The following DLL4 variants were observed in gnomAD, a reference collection of about 807,000 sequenced individuals.
DLL4 encodes delta-like protein 4.
DLL4 carries 7 observed loss-of-function variants against 73.6 expected under a neutral mutation model. The ratio of observed to expected loss-of-function variants is 0.10; its 90% CI spans 0.05 to 0.18. The LOEUF is 0.18. Among genes scored for constraint, DLL4 ranks in the 10% least tolerant of loss-of-function variants. The pLI is 1.00. For synonymous variants in DLL4, 345 were observed against 374.3 expected, an observed-to-expected ratio of 0.92 and a Z score of 0.90; for missense variants, 614 against 929.9, an observed-to-expected ratio of 0.66 and a Z score of 4.42.
chr15:40,931,598 C>G lies in DLL4; in HGVS notation c.490C>G (p.Leu164Val), dbSNP rs1264865292. The G allele has an allele frequency of 6.2e-7, 1 of 1,613,074 alleles. No homozygotes were observed. Among genetic ancestry groups the G allele is most frequent in the Non-Finnish European group, 8.5e-7 (1 of 1,179,508 alleles). ...GTTATTGGATGAGCAAACCAGCACC[C>G]TCACAAGGCTGCGCTACTCTTACCG... ...NWLLDEQTST[L>V]TRLRYSYRVI... is the part of the protein sequence containing the mutation. Residue 164 changes from leucine to valine, a missense_variant, in exon 4 of 11, where the codon CTC (leucine) becomes GTC (valine). Leu to Val is a conservative substitution (Grantham distance 32). Transcript: ENST00000249749.
At position 40,930,038 on chromosome 15, in the gene DLL4, C is replaced by T. The variant is rs746476747; in HGVS notation, c.258C>T (p.Thr86=). The change falls in exon 2 of 11, where the codon ACC becomes ACT. Residue 86 remains threonine, a synonymous_variant. Transcript: ENST00000249749. This position sits in a 1 kb window ranked among gnomAD's most constrained non-coding sequence, Gnocchi z 5.7. ...CCGTCTCCACGCCGGTATTGGGCAC[C>T]AACTCCTTCGCTGTCCGGGACGACA... ...FGTVSTPVLG[T]NSFAVRDDSS... 12 of 1,612,724 alleles carry T rather than the reference C, an allele frequency of 7.4e-6. No individual in the cohort carries two copies. The highest frequency in any genetic ancestry group is 1.3e-5 in the African/African-American group (1 of 74,910).
chr15:40,930,903 A>G lies in DLL4; in HGVS notation c.394+221A>G. The G allele has an allele frequency of 1.7e-6, 1 of 596,252 alleles. No individual in the cohort carries two copies. Among genetic ancestry groups the G allele is most frequent in the South Asian group, 2.0e-5 (1 of 49,472 alleles). 36.9% of individuals were successfully genotyped at this position (596,252 alleles called of 1,614,324 possible). A position where few individuals can be genotyped will look rare whatever the true frequency, so the allele number is the denominator to read the frequency against. On this transcript the variant is annotated intron_variant, in intron 3 of 10. Coordinates refer to ENST00000249749, the MANE Select transcript of DLL4 (RefSeq NM_019074.4). This position sits in a 1 kb window ranked among gnomAD's most constrained non-coding sequence, Gnocchi z 5.7. ...TTATTTTTGGCGTGGGAACGCGGGG[A>G]GTACGGCGGTGAGAAAGGCTGAAGC... is the stretch of plus-strand genomic sequence containing the variant.
chr15:40,937,460 G>A lies in DLL4; in HGVS notation c.1986G>A (p.Arg662=). The A allele has an allele frequency of 6.2e-7, 1 of 1,613,926 alleles. No individual in the cohort carries two copies. The highest frequency in any genetic ancestry group is 1.3e-5 in the African/African-American group (1 of 75,046). Reference sequence around the variant, plus strand: ...GGATATCAGCGATATGCTCCCCCAGGGACTCCATGTACCAGTCTGTGTGTT... The same window carrying A: ...GGATATCAGCGATATGCTCCCCCAGAGACTCCATGTACCAGTCTGTGTGTT... ...ECRISAICSP[R]DSMYQSVCLI... Residue 662 remains arginine, a synonymous_variant, in exon 10 of 11, where the codon AGG becomes AGA. Transcript: ENST00000249749.
intron 10 of DLL4, among the ~76,000 whole-genome samples, chr15:40,937,784 A>G (rs1004058586): frequency 6.6e-6 from 1 of 152,084 alleles, no homozygotes; most frequent in Admixed American, 6.5e-5. Flanking sequence ...CCAGCCTCTG[A>G]TGGGTGAGGG....
intron 8 of DLL4, 101 bp downstream of exon 8, chr15:40,935,218 T>G: frequency 2.6e-6 from 3 of 1,164,866 alleles, no homozygotes; most frequent in Non-Finnish European, 3.6e-6. Context: ...TGTCTGCCAC[T>G]CTGGCCCCCC....
Position 40,934,924 on chromosome 15 carries a change from G to C in DLL4, c.1047G>C (p.Leu349=). Residue 349 remains leucine (L), a synonymous_variant, in exon 8 of 11, where the codon CTG becomes CTC. Transcript: ENST00000249749. The part of the protein sequence containing the change: ...CKDQEDGYHC[L]CPPGYYGLHC... ...ACCAGGAGGATGGCTACCACTGCCT[G>C]TGTCCTCCGGGCTACTATGGCCTGC... 1.2e-6 allele frequency: 2 copies of C among 1,613,718 alleles called. No homozygotes were observed. The highest frequency in any genetic ancestry group is 8.5e-7 in the Non-Finnish European group (1 of 1,179,872).
At chr15:40,936,129 G>C (rs1355573562) in intron 8 of DLL4, 99 bp from the exon 9 acceptor site, 2 of 1,042,790 alleles carry the variant, frequency 1.9e-6, no homozygotes, top group Non-Finnish European at 2.7e-6. Context: ...TGCAGGTGGA[G>C]GTAGAAGGGC....
Position 40,929,787 on chromosome 15 carries a change from C to T in DLL4, c.66+53C>T. 2 of 1,607,148 alleles carry T rather than the reference C, an allele frequency of 1.2e-6. No individual in the cohort carries two copies. Among genetic ancestry groups the T allele is most frequent in the Non-Finnish European group, 8.5e-7 (1 of 1,179,166 alleles). On this transcript the variant is annotated intron_variant, in intron 1 of 10. Coordinates refer to ENST00000249749, the MANE Select transcript of DLL4 (RefSeq NM_019074.4). The surrounding 1 kb of genome is among the most constrained non-coding windows in gnomAD (Gnocchi z 7.1). ...CCTCTGCCGCGCTCTGGGCCTCAGCCCCGGGCACCAGCTGAGCTGACCGGT... is the reference window on the plus strand; with the variant it reads ...CCTCTGCCGCGCTCTGGGCCTCAGCTCCGGGCACCAGCTGAGCTGACCGGT...
In DLL4 at chr15:40,930,200, C is replaced by T; in HGVS notation, c.336+84C>T. The T allele has an allele frequency of 6.7e-7, 1 of 1,485,214 alleles. No individual in the cohort carries two copies. Among genetic ancestry groups the T allele is most frequent in the East Asian group, 2.5e-5 (1 of 40,734 alleles). 92.0% of individuals were successfully genotyped at this position (1,485,214 alleles called of 1,614,324 possible). On this transcript the variant is annotated intron_variant, in intron 2 of 10. Transcript: ENST00000249749. This position sits in a 1 kb window ranked among gnomAD's most constrained non-coding sequence, Gnocchi z 5.7. ...GACCAAAGCCCCCTCCCCAGATTTC[C>T]TTGTACACACACCCCCACCCCCAAA... is the stretch of plus-strand genomic sequence containing the variant.
chr15:40,930,921 G>C lies in DLL4; in HGVS notation c.394+239G>C, dbSNP rs573443125. On this transcript the variant is annotated intron_variant, in intron 3 of 10. Transcript: ENST00000249749. This position sits in a 1 kb window ranked among gnomAD's most constrained non-coding sequence, Gnocchi z 5.7. ...CGCGGGGAGTACGGCGGTGAGAAAGGCTGAAGCTGCCAGCGCCGCTGACGG... is the reference window on the plus strand; with the variant it reads ...CGCGGGGAGTACGGCGGTGAGAAAGCCTGAAGCTGCCAGCGCCGCTGACGG... 3.4e-6 allele frequency: 2 copies of C among 584,894 alleles called. No homozygotes were observed. Among genetic ancestry groups the C allele is most frequent in the East Asian group, 5.7e-5 (2 of 34,938 alleles). The allele number at this position is 584,894 out of a possible 1,614,324, so 36.2% of individuals were successfully genotyped here.
In DLL4 at chr15:40,938,071, C is replaced by A. The variant is rs751723269; in HGVS notation, c.*37C>A. The A allele has an allele frequency of 1.3e-6, 2 of 1,523,226 alleles. No homozygotes were observed. The highest frequency in any genetic ancestry group is 1.3e-5 in the South Asian group (1 of 77,500). 94.4% of individuals were successfully genotyped at this position (1,523,226 alleles called of 1,614,324 possible). On this transcript the variant is annotated 3_prime_UTR_variant, in exon 11 of 11. Transcript: ENST00000249749. ...ACCTGGACATCCCTGCTCAGCCCCG[C>A]GGCTGGACCTTCCTTCTGCATTGTT...
chr15:40,934,263 T>A (rs1210662641), intron 6 of DLL4, among the ~76,000 whole-genome samples: 3 of 148,432 alleles, frequency 2.0e-5, no homozygotes, highest in Non-Finnish European at 4.4e-5. Flanking sequence ...AAGGCGAAGG[T>A]TGTAGTGAGC....
At chr15:40,932,900 G>A (rs1443961982) in intron 6 of DLL4, among the ~76,000 whole-genome samples, 1 of 152,192 alleles carries the variant, frequency 6.6e-6, no homozygotes, top group African/African-American at 2.4e-5. Context: ...GGGTGAGCTG[G>A]GCCTCTGGGC....
intron 3 of DLL4, 117 bp from the exon 4 acceptor site, chr15:40,931,386 C>T (rs1892767558): frequency 1.5e-6 from 2 of 1,291,442 alleles, no homozygotes; most frequent in African/African-American, 2.9e-5. Context: ...ATCTGGATAA[C>T]TGGGCTGATT....
chr15:40,936,953 G>C, intron 9 of DLL4, 23 bp downstream of exon 9: 1 of 1,545,612 alleles, frequency 6.5e-7, no homozygotes, highest in Non-Finnish European at 8.7e-7. Context: ...CAGAAGCCCA[G>C]GGCCTGGCCA....
rs202220884 is a variant in DLL4, at chr15:40,934,702, T to C, written c.1005T>C (p.Asn335=). The C allele has an allele frequency of 5.1e-4, 820 of 1,613,470 alleles. No individual in the cohort carries two copies. The highest frequency in any genetic ancestry group is 6.1e-4 in the Non-Finnish European group (722 of 1,179,740). ...LSECDSNPCR[N]GGSCKDQEDG... is the part of the protein sequence containing the mutation. ...AGTGTGACAGCAACCCCTGTCGCAA[T>C]GGAGGCAGCTGTAAGGTGAGGCCCA... is the stretch of plus-strand genomic sequence containing the variant. The change falls in exon 7 of 11, where the codon AAT becomes AAC. Residue 335 remains asparagine (N), a synonymous_variant. Coordinates refer to ENST00000249749, the MANE Select transcript of DLL4 (RefSeq NM_019074.4).
At chr15:40,933,699 T>G (rs1892802870) in intron 6 of DLL4, among the ~76,000 whole-genome samples, 1 of 152,132 alleles carries the variant, frequency 6.6e-6, no homozygotes, top group African/African-American at 2.4e-5. Flanking sequence ...TTCCTTATCT[T>G]CATCCTACTT....
chr15:40,931,475 T>C (rs1463144758), intron 3 of DLL4, 28 bp from the exon 4 acceptor site: 1 of 1,596,638 alleles, frequency 6.3e-7, no homozygotes, highest in Admixed American at 1.7e-5. Context: ...TGGCGACCCT[T>C]CCCTGACCCG....
Position 40,929,775 on chromosome 15 carries a change from C to T in DLL4, c.66+41C>T. The stretch of plus-strand genomic sequence containing the variant: ...CCCTCTCCGTCCCCTCTGCCGCGCT[C>T]TGGGCCTCAGCCCCGGGCACCAGCT... On this transcript the variant is annotated intron_variant, in intron 1 of 10. Coordinates refer to ENST00000249749, the MANE Select transcript of DLL4 (RefSeq NM_019074.4). The surrounding 1 kb of genome is among the most constrained non-coding windows in gnomAD (Gnocchi z 7.1). 2 of 1,605,210 alleles carry T rather than the reference C, an allele frequency of 1.2e-6. No homozygotes were observed. The highest frequency in any genetic ancestry group is 1.7e-6 in the Non-Finnish European group (2 of 1,178,550).
Sources: allele counts gnomAD v4.1 joint callset (sites outside exome capture counted in the v4.1 genomes callset), GRCh38; gene constraint gnomAD v4.1.1; non-coding constraint Gnocchi (gnomAD v3.1); transcripts MANE v1.5; gene names NCBI Gene and HGNC (gene_info 2026-07-23, HGNC 2026-07-21).